MYH2: variants seen among roughly 807,000 people sequenced by gnomAD.
MYH2 encodes the protein myosin-2.
Under a neutral mutation model 228.1 loss-of-function variants are expected in MYH2, and 139 were observed. The observed-to-expected ratio is 0.61, with a 90% CI of 0.53 to 0.70. The LOEUF (loss-of-function observed/expected upper bound fraction) is 0.70. Among genes scored for constraint, MYH2 ranks in the 30% least tolerant of loss-of-function variants. The probability of loss-of-function intolerance (pLI) is 0.00; values close to 1 mark genes in which losing one functional copy is unlikely to be tolerated. For missense variants in MYH2, 1,809 were observed against 2,357.5 expected (o/e 0.77, Z 4.82); for synonymous variants, 796 against 871.1 (o/e 0.91, Z 1.52).
At chr17:10,538,914 C>G (rs1186722648) in intron 14 of MYH2, among the ~76,000 whole-genome samples, 1 of 152,152 alleles carries the variant, frequency 6.6e-6, no homozygotes, top group Admixed American at 6.5e-5. Flanking sequence ...TAACGTTTCT[C>G]AGCTCTTATT....
chr17:10,548,341 A>G (rs2073660954), intron 2 of MYH2, among the ~76,000 whole-genome samples: 1 of 152,210 alleles, frequency 6.6e-6, no homozygotes, highest in Non-Finnish European at 1.5e-5. Context: ...ATATATGTGA[A>G]GATACTTTGA....
intron 22 of MYH2, 122 bp from the exon 23 acceptor site, chr17:10,530,196 A>G: frequency 6.4e-7 from 1 of 1,564,692 alleles, no homozygotes; most frequent in South Asian, 1.1e-5. Context: ...ACTCCTTCAC[A>G]AATTTTTGTT....
At position 10,533,404 on chromosome 17, in the gene MYH2, A is replaced by T. The variant is rs371676280; in HGVS notation, c.2322T>A (p.Gly774=). 1.4e-5 allele frequency: 22 copies of T among 1,614,154 alleles called. No homozygotes were observed. Among genetic ancestry groups the T allele is most frequent in the Non-Finnish European group, 1.4e-5 (17 of 1,180,026 alleles). ...FGHTKVFFKA[G]LLGLLEEMRD... ...GCATCTCCTCTAGGAGCCCCAGAAG[A>T]CCAGCTTTGAAAAAGACCTGTGAAT... Residue 774 remains glycine, a synonymous_variant, in exon 21 of 40, where the codon GGT becomes GGA. Transcript: ENST00000245503.
chr17:10,521,508 A>C, intron 39 of MYH2, 76 bp from the exon 40 acceptor site: 1 of 1,507,978 alleles, frequency 6.6e-7, no homozygotes, highest in Non-Finnish European at 9.2e-7. Flanking sequence ...AGAAGAAAGG[A>C]CTTGGCATCT....
chr17:10,527,762 A>C lies in MYH2; in HGVS notation c.3857T>G (p.Leu1286Arg), dbSNP rs1273762551. 43 of 1,613,996 alleles carry C rather than the reference A, an allele frequency of 2.7e-5. No individual in the cohort carries two copies. Among genetic ancestry groups the C allele is most frequent in the Non-Finnish European group, 3.5e-5 (41 of 1,180,024 alleles). Residue 1286 changes from leucine to arginine, a missense_variant, in exon 28 of 40, where the codon CTG becomes CGG. Transcript: ENST00000245503. ...GGGAGAGTTACCAGATTCAGTCTGC[A>C]GGCGCCCCCTCTGCGCAGTCAGGTC... ...INDLTAQRGRLQTESGEFSRQ... is the reference protein window; with the variant it reads ...INDLTAQRGRRQTESGEFSRQ...
intron 5 of MYH2, among the ~76,000 whole-genome samples, chr17:10,545,020 T>TGTGC (rs1297929155): frequency 6.6e-6 from 1 of 151,944 alleles, no homozygotes; most frequent in Non-Finnish European, 1.5e-5. Flanking sequence ...CATGAGTGTG[T>TGTGC]GTGTGTGTGT....
chr17:10,531,300 C>A (rs920135430), intron 22 of MYH2, among the ~76,000 whole-genome samples: 1 of 152,172 alleles, frequency 6.6e-6, no homozygotes, highest in African/African-American at 2.4e-5. Flanking sequence ...TCCATGCTAT[C>A]CTCCCCTTCA....
chr17:10,536,649 G>C, intron 16 of MYH2, 43 bp from the exon 17 acceptor site: 1 of 1,565,206 alleles, frequency 6.4e-7, no homozygotes, highest in Non-Finnish European at 8.8e-7. Flanking sequence ...TGAATTGGCA[G>C]GGCTACTTCT....
intron 4 of MYH2, among the ~76,000 whole-genome samples, chr17:10,546,719 G>C (rs1394904939): frequency 1.3e-5 from 2 of 151,198 alleles, no homozygotes; most frequent in Non-Finnish European, 2.9e-5. Flanking sequence ...GAAGGGACCA[G>C]AACACACAGA....
intron 9 of MYH2, 48 bp downstream of exon 9, chr17:10,543,050 T>C: frequency 6.3e-7 from 1 of 1,592,222 alleles, no homozygotes; most frequent in Non-Finnish European, 8.6e-7. Context: ...GGTCAGTTTT[T>C]TAGGTCATAT....
rs930969999 is a variant in MYH2, at chr17:10,523,374, C to G, written c.5511G>C (p.Lys1837Asn). Residue 1837 changes from lysine to asparagine, a missense_variant, in exon 38 of 40, where the codon AAG becomes AAC. Around this residue, in one of 9 missense-constraint regions of MYH2, gnomAD observed 278 missense variants for 308.5 expected, o/e 0.90. Coordinates refer to ENST00000245503, the MANE Select transcript of MYH2 (RefSeq NM_017534.6). ...GACCTTTGACAGCCTCAGCATTACGCTTTTGCTCACTCTCAACCTCTCCTT... is the reference window on the plus strand; with the variant it reads ...GACCTTTGACAGCCTCAGCATTACGGTTTTGCTCACTCTCAACCTCTCCTT... The part of the protein sequence containing the change: ...ELEGEVESEQ[K>N]RNAEAVKGLR... The G allele has an allele frequency of 3.7e-6, 6 of 1,614,214 alleles. No homozygotes were observed. The highest frequency in any genetic ancestry group is 5.1e-6 in the Non-Finnish European group (6 of 1,180,040).
intron 7 of MYH2, 43 bp downstream of exon 7, chr17:10,543,859 G>A: frequency 6.2e-7 from 1 of 1,613,906 alleles, no homozygotes. Context: ...CTACCTGAGA[G>A]TCCCGACAGA....
Position 10,536,473 on chromosome 17 carries a change from C to A in MYH2, c.1974+57G>T, listed in dbSNP as rs2073483036. 9 of 1,425,840 alleles carry A rather than the reference C, an allele frequency of 6.3e-6. No individual in the cohort carries two copies. In the Admixed American group the frequency reaches 1.4e-4, roughly 22 times the overall value. 88.3% of individuals were successfully genotyped at this position (1,425,840 alleles called of 1,614,324 possible). ...AAAATAGAAGTTCAGAAAAACAGACCCATGTAAAAAAAATCCCAAAGTAAT... is the reference window on the plus strand; with the variant it reads ...AAAATAGAAGTTCAGAAAAACAGACACATGTAAAAAAAATCCCAAAGTAAT... On this transcript the variant is annotated intron_variant, in intron 17 of 39. Transcript: ENST00000245503.
Position 10,523,396 on chromosome 17 carries a change from C to T in MYH2, c.5489G>A (p.Gly1830Glu). The T allele has an allele frequency of 6.2e-7, 1 of 1,614,248 alleles. No homozygotes were observed. The highest frequency in any genetic ancestry group is 2.2e-5 in the East Asian group (1 of 44,882). Residue 1830 changes from glycine (G) to glutamate (E), a missense_variant, in exon 38 of 40, where the codon GGA becomes GAA. By Grantham distance (98) the Gly-to-Glu change is moderately conservative (BLOSUM62 -2). This residue lies in a region of MYH2 where 278 missense variants were observed against 308.5 expected (regional missense o/e 0.90). Coordinates refer to ENST00000245503, the MANE Select transcript of MYH2 (RefSeq NM_017534.6). ...ACGCTTTTGCTCACTCTCAACCTCT[C>T]CTTCCAGCTCCCGTACCTGCAAATA... ...KLEARVRELEGEVESEQKRNA... is the reference protein window; with the variant it reads ...KLEARVRELEEEVESEQKRNA...
In MYH2 at chr17:10,525,774, C is replaced by T. The variant is rs950664836; in HGVS notation, c.4290G>A (p.Glu1430=). 8 of 1,614,086 alleles carry T rather than the reference C, an allele frequency of 5.0e-6. No homozygotes were observed. In the Admixed American group the frequency reaches 6.7e-5, roughly 13 times the overall value. ...LEKTKQRLQN[E]VEDLMLDVER... ...CCACATCAAGCATGAGGTCCTCGAC[C>T]TCATTCTGCAGCCGCTGCTTCGTCT... The change falls in exon 31 of 40, where the codon GAG becomes GAA. Residue 1430 remains glutamate (E), a synonymous_variant. Transcript: ENST00000245503. The surrounding 1 kb of genome is among the most constrained non-coding windows in gnomAD (Gnocchi z 4.2).
At chr17:10,527,081 A>AT (rs34762193) in intron 28 of MYH2, 25 bp from the exon 29 acceptor site, 1 of 1,597,896 alleles carries the variant, frequency 6.3e-7, no homozygotes, top group Middle Eastern at 1.7e-4. Context: ...AAATGGCACC[A>AT]TTTTTTAGGT....
Position 10,542,956 on chromosome 17 carries a change from T to C in MYH2, c.823A>G (p.Arg275Gly), listed in dbSNP as rs1205375069. The C allele has an allele frequency of 6.2e-7, 1 of 1,611,920 alleles. No individual in the cohort carries two copies. Among genetic ancestry groups the C allele is most frequent in the Non-Finnish European group, 8.5e-7 (1 of 1,178,300 alleles). The change falls in exon 10 of 40, where the codon AGA becomes GGA. Residue 275 changes from arginine (R) to glycine (G), a missense_variant. Arg to Gly is a moderately radical substitution (Grantham distance 125). This residue lies in a region of MYH2 where 373 missense variants were observed against 620.4 expected (regional missense o/e 0.60). Transcript: ENST00000245503. ...TCAGCCTTAAGCTGGAAAACAACTC[T>C]AGACTTCTCTAGCAGATCTGGAAGG... ...DIETYLLEKS[R>G]VVFQLKAERS...
chr17:10,534,509 G>T (rs1351099506), intron 19 of MYH2, among the ~76,000 whole-genome samples: 3 of 152,192 alleles, frequency 2.0e-5, no homozygotes, highest in African/African-American at 7.2e-5. Flanking sequence ...CACTCAAAAA[G>T]GTCGTTCTTA....
At chr17:10,530,703 C>T (rs190862045) in intron 22 of MYH2, among the ~76,000 whole-genome samples, 24 of 152,222 alleles carry the variant, frequency 1.6e-4, no homozygotes, top group Admixed American at 1.2e-3. Flanking sequence ...AGTAATCCTC[C>T]ATATCAGTCT....
Sources: allele counts gnomAD v4.1 joint callset (sites outside exome capture counted in the v4.1 genomes callset), GRCh38; gene constraint gnomAD v4.1.1; regional missense constraint gnomAD v4.1.1; non-coding constraint Gnocchi (gnomAD v3.1); transcripts MANE v1.5; gene names NCBI Gene and HGNC (gene_info 2026-07-23, HGNC 2026-07-21).